Variants in TVP23A observed in about 807,000 individuals in gnomAD.
The protein encoded by TVP23A is Golgi apparatus membrane protein TVP23 homolog A.
In TVP23A, 21 loss-of-function variants were observed where a neutral mutation model predicts 31.7. That is an observed-to-expected ratio of 0.66 (90% CI 0.47 to 0.95). The LOEUF (loss-of-function observed/expected upper bound fraction) is 0.95. Among genes scored for constraint, TVP23A ranks in the 40% least tolerant of loss-of-function variants. The pLI is 0.00. For missense variants in TVP23A, 279 were observed against 255.6 expected, an observed-to-expected ratio of 1.09 and a Z score of -0.62; for synonymous variants, 104 against 96.0, an observed-to-expected ratio of 1.08 and a Z score of -0.49.
At chr16:10,761,537 G>A in exon 9 of TVP23A, 2 of 1,379,684 alleles carry the variant, frequency 1.4e-6, no homozygotes. Context: ...GAAACGATCG[G>A]AAGGCTGCTC....
In TVP23A at chr16:10,768,438, C is replaced by G. The variant is rs2031225013; in HGVS notation, c.*664G>C. 1 of 160,970 alleles carries G rather than the reference C, an allele frequency of 6.2e-6. No homozygotes were observed. The highest frequency in any genetic ancestry group is 1.8e-4 in the South Asian group (1 of 5,704). 10.0% of individuals were successfully genotyped at this position (160,970 alleles called of 1,614,324 possible). ...CCTGGCTAACATGGAGAAACACTGT[C>G]TCTACTAAAAATATGAAAATTAGCC... On this transcript the variant is annotated 3_prime_UTR_variant, in exon 8 of 8. Transcript: ENST00000299866. This position sits in a 1 kb window ranked among gnomAD's most constrained non-coding sequence, Gnocchi z 4.3.
chr16:10,805,766 G>A (rs2033914406), intron 2 of TVP23A, among the ~76,000 whole-genome samples: 1 of 151,786 alleles, frequency 6.6e-6, no homozygotes, highest in African/African-American at 2.4e-5. Flanking sequence ...GGAAGGCAGG[G>A]ACCAAGCCTA....
intron 2 of TVP23A, among the ~76,000 whole-genome samples, chr16:10,802,169 C>T (rs1256600331): frequency 6.6e-6 from 1 of 151,404 alleles, no homozygotes; most frequent in East Asian, 2.0e-4. Context: ...CTGGAAGAGG[C>T]TCCTACTGGT....
chr16:10,768,958 G>C lies in TVP23A; in HGVS notation c.*144C>G. 8.3e-7 allele frequency: 1 copy of C among 1,200,242 alleles called. No homozygotes were observed. Among genetic ancestry groups the C allele is most frequent in the Non-Finnish European group, 1.2e-6 (1 of 813,936 alleles). 74.3% of individuals were successfully genotyped at this position (1,200,242 alleles called of 1,614,324 possible). A position where few individuals can be genotyped will look rare whatever the true frequency, so the allele number is the denominator to read the frequency against. ...GAACTAGCCAGAGGATTCCACCCCTGTCAAAACACAGCCCTCCCCAGCACA... is the reference window on the plus strand; with the variant it reads ...GAACTAGCCAGAGGATTCCACCCCTCTCAAAACACAGCCCTCCCCAGCACA... On this transcript the variant is annotated 3_prime_UTR_variant, in exon 8 of 8. Transcript: ENST00000299866. The surrounding 1 kb of genome is among the most constrained non-coding windows in gnomAD (Gnocchi z 4.3).
intron 2 of TVP23A, among the ~76,000 whole-genome samples, chr16:10,775,751 T>C (rs997367707): frequency 3.5e-5 from 5 of 143,682 alleles, no homozygotes; most frequent in African/African-American, 1.3e-4. Context: ...TTTCTTTTTT[T>C]TTTTTTTTTT....
At chr16:10,803,479 G>A (rs1212190432) in intron 2 of TVP23A, among the ~76,000 whole-genome samples, 1 of 152,136 alleles carries the variant, frequency 6.6e-6, no homozygotes, top group Non-Finnish European at 1.5e-5. Context: ...AGCAGGGAGG[G>A]AAAGGAGCTC....
intron 2 of TVP23A, among the ~76,000 whole-genome samples, chr16:10,786,454 T>G (rs2032757559): frequency 6.6e-6 from 1 of 152,248 alleles, no homozygotes; most frequent in East Asian, 1.9e-4. Flanking sequence ...AAATACCCTT[T>G]ACTTTGAAAA....
intron 2 of TVP23A, among the ~76,000 whole-genome samples, chr16:10,792,603 G>A (rs1031954878): frequency 6.6e-6 from 1 of 152,200 alleles, no homozygotes; most frequent in African/African-American, 2.4e-5. Context: ...AAGCAGAAAG[G>A]ACTTAAGAAA....
intron 5 of TVP23A, among the ~76,000 whole-genome samples, chr16:10,772,698 G>A (rs113364346): frequency 0.022 from 3,380 of 152,278 alleles, 132 homozygotes; most frequent in African/African-American, 0.077. Context: ...GAAATGCCCA[G>A]AATAGGCAAA....
intron 2 of TVP23A, among the ~76,000 whole-genome samples, chr16:10,801,195 A>C (rs1446931547): frequency 6.6e-6 from 1 of 152,144 alleles, no homozygotes; most frequent in East Asian, 1.9e-4. Flanking sequence ...GACGAAAGAA[A>C]AAAAAAATGC....
At chr16:10,785,419 C>G (rs2032696169) in intron 2 of TVP23A, among the ~76,000 whole-genome samples, 1 of 151,966 alleles carries the variant, frequency 6.6e-6, no homozygotes, top group Non-Finnish European at 1.5e-5. Flanking sequence ...AAAAAAGAGC[C>G]AGAATTTATA....
chr16:10,800,244 G>A (rs968472404), intron 2 of TVP23A: 13 of 152,120 alleles, frequency 8.5e-5, no homozygotes, highest in Admixed American at 7.9e-4. Context: ...CTTCTGAAGA[G>A]CTTCTAGATT....
At chr16:10,761,176 T>G, downstream of TVP23A, 1 of 515,936 alleles carries the variant, frequency 1.9e-6, no homozygotes, top group South Asian at 2.0e-5. Flanking sequence ...TGTAGGGATG[T>G]AGGGATGATG....
chr16:10,757,457 T>C (rs1900634168), downstream of TVP23A, among the ~76,000 whole-genome samples: 1 of 152,152 alleles, frequency 6.6e-6, no homozygotes, highest in South Asian at 2.1e-4. This position sits in a 1 kb window ranked among gnomAD's most constrained non-coding sequence, Gnocchi z 4.1. Context: ...TATTGATATT[T>C]TGAGCCAGAT....
Position 10,771,691 on chromosome 16 carries a change from C to T in TVP23A, c.561G>A (p.Leu187=). The change falls in exon 6 of 8, where the codon CTG becomes CTA. Residue 187 remains leucine, a synonymous_variant. Transcript: ENST00000299866. ...SDIGKVTASF[L]SQTVFQTACP... is the part of the protein sequence containing the mutation. ...TCACCGTCTGGAACACTGTCTGGGA[C>T]AGGAAACTGGCTGTGACCTTGCCAA... 1.2e-6 allele frequency: 2 copies of T among 1,613,836 alleles called. No individual in the cohort carries two copies. The highest frequency in any genetic ancestry group is 2.7e-5 in the African/African-American group (2 of 75,042).
At chr16:10,802,681 G>A (rs8047172) in intron 2 of TVP23A, among the ~76,000 whole-genome samples, 1 of 152,058 alleles carries the variant, frequency 6.6e-6, no homozygotes, top group Non-Finnish European at 1.5e-5. Flanking sequence ...TTTTTTTTAA[G>A]TTATTTTAAG....
chr16:10,761,631 T>G (rs2029910245), intron 8 of TVP23A: 2 of 972,422 alleles, frequency 2.1e-6, no homozygotes, highest in Admixed American at 5.3e-5. Flanking sequence ...GGAAAGTTCT[T>G]TAGGTGTTAA....
chr16:10,804,999 A>C (rs576227300), intron 2 of TVP23A, among the ~76,000 whole-genome samples: 4 of 151,696 alleles, frequency 2.6e-5, no homozygotes, highest in Non-Finnish European at 5.9e-5. Flanking sequence ...CGGTGTGTTC[A>C]TCTATTCTGA....
Position 10,770,936 on chromosome 16 carries a change from T to G in TVP23A, c.583-605A>C, listed in dbSNP as rs147286134. 3.0e-3 allele frequency among the ~76,000 whole-genome samples: 451 copies of G among 151,146 alleles called. 1 individual carries two copies. The highest frequency in any genetic ancestry group is 4.8e-3 in the Admixed American group (73 of 15,200). ...GTGACTCTTTCCTTAATTCTATACT[T>G]TTAAAAATCACTGAAAACTAACAAT... On this transcript the variant is annotated intron_variant, in intron 6 of 7. Transcript: ENST00000299866.
Sources: allele counts gnomAD v4.1 joint callset (sites outside exome capture counted in the v4.1 genomes callset), GRCh38; gene constraint gnomAD v4.1.1; non-coding constraint Gnocchi (gnomAD v3.1); transcripts MANE v1.5; gene names NCBI Gene and HGNC (gene_info 2026-07-23, HGNC 2026-07-21).